COL23A1: variants seen among roughly 807,000 people sequenced by gnomAD.
The protein encoded by COL23A1 is collagen type XXIII alpha 1 chain.
In COL23A1, 97 loss-of-function variants were observed where a neutral mutation model predicts 99.3. The observed-to-expected ratio is 0.98, with a 90% confidence interval of 0.83 to 1.16. The LOEUF is 1.16. Among genes scored for constraint, COL23A1 ranks in the 50% most tolerant of loss-of-function variants. The pLI is 0.00. For missense variants in COL23A1, 762 were observed against 757.4 expected (o/e 1.01, Z -0.07); for synonymous variants, 320 against 308.2 (o/e 1.04, Z -0.40).
chr5:178,315,762 CTTTTTTTTTT>C (rs34604670), intron 2 of COL23A1, among the ~76,000 whole-genome samples: 31 of 96,730 alleles, frequency 3.2e-4, no homozygotes, highest in Admixed American at 1.3e-3. Context: ...GAAGCACTGA[CTTTTTTTTTT>C]TTTTTTTTTT....
intron 2 of COL23A1, among the ~76,000 whole-genome samples, chr5:178,349,487 G>A (rs1285549269): frequency 3.5e-5 from 5 of 141,822 alleles, no homozygotes; most frequent in African/African-American, 7.9e-5. Flanking sequence ...CCGGCCCTCC[G>A]CTAGGCGGGC....
intron 2 of COL23A1, among the ~76,000 whole-genome samples, chr5:178,338,210 A>T (rs1760455912): frequency 6.6e-6 from 1 of 152,206 alleles, no homozygotes; most frequent in East Asian, 1.9e-4. Context: ...ACCCAGGCAG[A>T]CAGCACAGCT....
intron 2 of COL23A1, among the ~76,000 whole-genome samples, chr5:178,451,869 G>C (rs1337678945): frequency 2.6e-5 from 4 of 151,956 alleles, no homozygotes; most frequent in Admixed American, 2.6e-4. Context: ...TGAAAAGTAA[G>C]ATTTGAAACA....
intron 2 of COL23A1, among the ~76,000 whole-genome samples, chr5:178,530,263 C>T (rs1760568527): frequency 6.6e-6 from 1 of 152,106 alleles, no homozygotes; most frequent in Non-Finnish European, 1.5e-5. Flanking sequence ...GAGTTCAAGG[C>T]CAGCCTGAGC....
chr5:178,586,643 GAGA>G lies in COL23A1; in HGVS notation c.294+3258_294+3260del, dbSNP rs1158150178. 2.0e-5 allele frequency among the ~76,000 whole-genome samples: 3 copies of G among 151,604 alleles called. No homozygotes were observed. The East Asian group carries it at 5.8e-4, about 29-fold the overall frequency. On this transcript the variant is annotated intron_variant, in intron 1 of 28. Coordinates refer to ENST00000390654, the MANE Select transcript of COL23A1 (RefSeq NM_173465.4). Reference sequence around the variant, plus strand: ...AAAAAGGACAAGAAAAGAGTGGAGAGAGAAAGTGAACATGCCAAGAAGTCATTG... The same window carrying G: ...AAAAAGGACAAGAAAAGAGTGGAGAGAAGTGAACATGCCAAGAAGTCATTG...
intron 2 of COL23A1, among the ~76,000 whole-genome samples, chr5:178,405,627 G>A (rs899578771): frequency 6.6e-6 from 1 of 152,104 alleles, no homozygotes; most frequent in Admixed American, 6.5e-5. Context: ...ACAACATGAG[G>A]ATGCACGACG....
chr5:178,307,617 C>A lies in COL23A1; in HGVS notation c.362-698G>T, dbSNP rs150183041. ...CTCTGCCCACATCAGACCCTGAGACCAGAGTAACCTCAGCGCTGAAGGAGA... is the reference window on the plus strand; with the variant it reads ...CTCTGCCCACATCAGACCCTGAGACAAGAGTAACCTCAGCGCTGAAGGAGA... On this transcript the variant is annotated intron_variant, in intron 2 of 28. Coordinates refer to ENST00000390654, the MANE Select transcript of COL23A1 (RefSeq NM_173465.4). This position sits in a 1 kb window ranked among gnomAD's most constrained non-coding sequence, Gnocchi z 4.2. 5.3e-5 allele frequency among the ~76,000 whole-genome samples: 8 copies of A among 152,324 alleles called. No individual in the cohort carries two copies. The East Asian group carries it at 1.5e-3, about 29-fold the overall frequency.
At chr5:178,249,716 A>ACACACTCACTCTCTCTCTCTCTCTCTCT in intron 18 of COL23A1, among the ~76,000 whole-genome samples, 1 of 92,806 alleles carries the variant, frequency 1.1e-5, no homozygotes, top group Non-Finnish European at 2.2e-5. Flanking sequence ...ACACACACAC[A>ACACACTCACTCTCTCTCTCTCTCTCTCT]CTCTCTCTCT....
chr5:178,384,153 A>C lies in COL23A1; in HGVS notation c.362-77234T>G, dbSNP rs556080966. 1.3e-5 allele frequency among the ~76,000 whole-genome samples: 2 copies of C among 152,198 alleles called. No individual in the cohort carries two copies. Among genetic ancestry groups the C allele is most frequent in the East Asian group, 3.9e-4 (2 of 5,158 alleles). ...TAAAATAAGGCTGGCCATCGAGAAG[A>C]CCGAGAGGCAGGGTCAGGGGCGGCA... On this transcript the variant is annotated intron_variant, in intron 2 of 28. Coordinates refer to ENST00000390654, the MANE Select transcript of COL23A1 (RefSeq NM_173465.4). The surrounding 1 kb of genome is among the most constrained non-coding windows in gnomAD (Gnocchi z 5.5).
intron 2 of COL23A1, among the ~76,000 whole-genome samples, chr5:178,545,234 A>G (rs994193009): frequency 6.6e-6 from 1 of 152,146 alleles, no homozygotes; most frequent in African/African-American, 2.4e-5. Context: ...TCCCTGGGCT[A>G]TGCCCTCCTC....
At chr5:178,581,489 C>T (rs1358748730) in intron 1 of COL23A1, among the ~76,000 whole-genome samples, 1 of 151,824 alleles carries the variant, frequency 6.6e-6, no homozygotes, top group African/African-American at 2.4e-5. Context: ...TCGCTTGAAC[C>T]CGGGAGACAG....
chr5:178,245,285 C>T (rs1038934206), intron 25 of COL23A1, among the ~76,000 whole-genome samples: 4 of 149,294 alleles, frequency 2.7e-5, no homozygotes, highest in South Asian at 4.3e-4. Flanking sequence ...TCCATCCATC[C>T]CTCCACTGCC....
chr5:178,525,870 G>A (rs1365092979), intron 2 of COL23A1, among the ~76,000 whole-genome samples: 2 of 152,274 alleles, frequency 1.3e-5, no homozygotes, highest in Non-Finnish European at 2.9e-5. Flanking sequence ...GCCTAGGCCA[G>A]AAGCACTGGA....
At chr5:178,264,938 A>G (rs1172595880) in intron 8 of COL23A1, among the ~76,000 whole-genome samples, 1 of 151,988 alleles carries the variant, frequency 6.6e-6, no homozygotes, top group Non-Finnish European at 1.5e-5. Flanking sequence ...GAGCCACTGC[A>G]CCCCGCTGAA....
intron 2 of COL23A1, among the ~76,000 whole-genome samples, chr5:178,507,997 C>T (rs918524488): frequency 6.2e-5 from 9 of 144,938 alleles, no homozygotes; most frequent in South Asian, 2.4e-4. Flanking sequence ...TCTGAGGCTC[C>T]GTTCTCTCTT....
chr5:178,264,529 A>G (rs1021084713), intron 8 of COL23A1, among the ~76,000 whole-genome samples: 12 of 152,076 alleles, frequency 7.9e-5, no homozygotes, highest in African/African-American at 2.9e-4. Flanking sequence ...TGCCCACCCT[A>G]CACTCGCACA....
rs193279046 is a variant in COL23A1 at position 178,559,148 on chromosome 5, C to T, written c.361+1534G>A. On this transcript the variant is annotated intron_variant, in intron 2 of 28. Coordinates refer to ENST00000390654, the MANE Select transcript of COL23A1 (RefSeq NM_173465.4). ...CATTCCCTTGTCAAATCCTCTTTCT[C>T]GTATTAAAATCTCAGAGGTCCTATA... is the stretch of plus-strand genomic sequence containing the variant. Among the ~76,000 whole-genome samples the T allele has an allele frequency of 1.7e-3, 257 of 152,242 alleles. 1 individual carries two copies. The highest frequency in any genetic ancestry group is 4.5e-3 in the African/African-American group (189 of 41,558).
At chr5:178,370,507 A>AAC (rs1762740560) in intron 2 of COL23A1, among the ~76,000 whole-genome samples, 1 of 152,152 alleles carries the variant, frequency 6.6e-6, no homozygotes, top group African/African-American at 2.4e-5. Context: ...ACTTGGCGGC[A>AAC]GGGGATTGGG....
chr5:178,518,747 C>T lies in COL23A1; in HGVS notation c.361+41935G>A, dbSNP rs1223977101. ...CTCACTTCCCAGACGGGGTGGCAGC[C>T]GGGCAGAGGCTGCAATCTCGGCACT... On this transcript the variant is annotated intron_variant, in intron 2 of 28. Coordinates refer to ENST00000390654, the MANE Select transcript of COL23A1 (RefSeq NM_173465.4). 4.7e-5 allele frequency among the ~76,000 whole-genome samples: 7 copies of T among 149,858 alleles called. No homozygotes were observed. In the South Asian group the frequency reaches 1.1e-3, roughly 23 times the overall value.
Sources: allele counts gnomAD v4.1 joint callset (sites outside exome capture counted in the v4.1 genomes callset), GRCh38; gene constraint gnomAD v4.1.1; non-coding constraint Gnocchi (gnomAD v3.1); transcripts MANE v1.5; gene names NCBI Gene and HGNC (gene_info 2026-07-23, HGNC 2026-07-21).